Variants in IMPDH2 observed in about 807,000 individuals in gnomAD.
IMPDH2 encodes inosine-5'-monophosphate dehydrogenase 2.
Under a neutral mutation model 57.8 loss-of-function variants are expected in IMPDH2, and 33 were observed. That is an observed-to-expected ratio of 0.57 (90% confidence interval 0.43 to 0.76). The LOEUF (loss-of-function observed/expected upper bound fraction) is 0.76, where lower values mean the gene tolerates loss of function less well. Ranked by LOEUF, IMPDH2 falls within the 30% of genes least tolerant of loss-of-function variation. The pLI, the probability that IMPDH2 is intolerant of heterozygous loss-of-function variation, is 0.00. For missense variants in IMPDH2, 446 were observed against 659.1 expected (o/e 0.68, Z 3.54); for synonymous variants, 270 against 241.3 (o/e 1.12, Z -1.10).
rs762030029 is a variant in IMPDH2, at chr3:49,028,780, AT to A, written c.124del (p.Ile42SerfsTer10). The A allele has an allele frequency of 6.2e-7, 1 of 1,613,844 alleles. No homozygotes were observed. The highest frequency in any genetic ancestry group is 1.3e-5 in the African/African-American group (1 of 74,920). ...YNDFLILPGY[I>X]DFTADQVDLT... ...CACCACCTGGTCTGCAGTGAAGTCGATGTACCCAGGGAGAATGAGAAAGTCA... is the reference window on the plus strand; with the variant it reads ...CACCACCTGGTCTGCAGTGAAGTCGAGTACCCAGGGAGAATGAGAAAGTCA... On this transcript the variant is annotated frameshift_variant, in exon 2 of 14. Coordinates refer to ENST00000326739, the MANE Select transcript of IMPDH2 (RefSeq NM_000884.3). LOFTEE classifies it high-confidence loss of function.
intron 2 of IMPDH2, 89 bp from the exon 3 acceptor site, chr3:49,028,621 G>C: frequency 7.6e-7 from 1 of 1,308,118 alleles, no homozygotes; most frequent in South Asian, 1.2e-5. Context: ...ACTTTTGTAT[G>C]ACCTGCATGC....
intron 4 of IMPDH2, 56 bp from the exon 5 acceptor site, chr3:49,027,972 CTT>C (rs962834622): frequency 7.4e-7 from 1 of 1,342,622 alleles, no homozygotes; most frequent in Non-Finnish European, 1.1e-6. Flanking sequence ...TCATCAGGCT[CTT>C]GATCTGAAGC....
intron 11 of IMPDH2, 29 bp from the exon 12 acceptor site, chr3:49,024,831 G>C: frequency 6.2e-7 from 1 of 1,614,150 alleles, no homozygotes; most frequent in Non-Finnish European, 8.5e-7. Context: ...ACACGGGCAA[G>C]GTCACAGCAG....
intron 9 of IMPDH2, chr3:49,026,023 T>G: frequency 3.9e-6 from 2 of 511,578 alleles, no homozygotes; most frequent in Non-Finnish European, 3.8e-6. Context: ...TAGAAGGGCA[T>G]TTGGGGCTGT....
At position 49,029,229 on chromosome 3, in the gene IMPDH2, CAGGTGAGCCCCATAGGCCCGCACTTGT is replaced by C. The variant is rs766610871; in HGVS notation, c.95_98+23del. 1 of 1,558,872 alleles carries C rather than the reference CAGGTGAGCCCCATAGGCCCGCACTTGT, an allele frequency of 6.4e-7. No homozygotes were observed. Among genetic ancestry groups the C allele is most frequent in the South Asian group, 1.2e-5 (1 of 86,504 alleles). ...CCAGGGTGCCGCCCCTCTCTTCGCC[CAGGTGAGCCCCATAGGCCCGCACTTGT>C]AGGTGAGGCCGTCTCCGCAGTTGAA... On this transcript the variant is annotated splice_donor_variant and splice_donor_5th_base_variant and coding_sequence_variant and intron_variant, in exon 1 of 14. Coordinates refer to ENST00000326739, the MANE Select transcript of IMPDH2 (RefSeq NM_000884.3). LOFTEE classifies it high-confidence loss of function.
At chr3:49,026,255 T>C (rs2093198958) in intron 9 of IMPDH2, 69 bp downstream of exon 9, 1 of 1,168,302 alleles carries the variant, frequency 8.6e-7, no homozygotes, top group South Asian at 1.3e-5. Context: ...CCCATAAGAG[T>C]GCTTGGTTCC....
At chr3:49,028,698 G>C in intron 2 of IMPDH2, 60 bp downstream of exon 2, 6 of 1,474,632 alleles carry the variant, frequency 4.1e-6, no homozygotes, top group Non-Finnish European at 5.7e-6. Context: ...CCAGAGACCA[G>C]GTGATAGTAG....
rs755588372 is a variant in IMPDH2, at chr3:49,029,249, G to C, written c.98+4C>G. 1.3e-6 allele frequency: 2 copies of C among 1,594,808 alleles called. No homozygotes were observed. Among genetic ancestry groups the C allele is most frequent in the South Asian group, 1.1e-5 (1 of 88,664 alleles). On this transcript the variant is annotated splice_donor_region_variant and intron_variant, in intron 1 of 13. Transcript: ENST00000326739. ...TCGCCCAGGTGAGCCCCATAGGCCC[G>C]CACTTGTAGGTGAGGCCGTCTCCGC... is the stretch of plus-strand genomic sequence containing the variant.
rs757443827 is a variant in IMPDH2 at position 49,026,669 on chromosome 3, A to AC, written c.819+17dup. On this transcript the variant is annotated intron_variant, in intron 7 of 13. Coordinates refer to ENST00000326739, the MANE Select transcript of IMPDH2 (RefSeq NM_000884.3). ...GCAGCTGCCCCTATTGCCCCAACCCACCTGTGTAGCAGCTCACCAAAACCA... is the reference window on the plus strand; with the variant it reads ...GCAGCTGCCCCTATTGCCCCAACCCACCCTGTGTAGCAGCTCACCAAAACCA... 76 of 1,613,334 alleles carry AC rather than the reference A, an allele frequency of 4.7e-5. No homozygotes were observed. Among genetic ancestry groups the AC allele is most frequent in the Non-Finnish European group, 6.4e-5 (75 of 1,179,584 alleles).
Position 49,025,136 on chromosome 3 carries a change from C to T in IMPDH2, c.1140G>A (p.Gly380=), listed in dbSNP as rs759590066. The T allele has an allele frequency of 1.4e-5, 22 of 1,614,190 alleles. No homozygotes were observed. The highest frequency in any genetic ancestry group is 1.9e-5 in the Non-Finnish European group (22 of 1,180,028). Residue 380 remains glycine (G), a synonymous_variant, in exon 10 of 14, where the codon GGG becomes GGA. Coordinates refer to ENST00000326739, the MANE Select transcript of IMPDH2 (RefSeq NM_000884.3). ...GGTACTGGGCCTCACCTGTGGAGGC[C>T]CCAAGGGCCAAGGCTTTCGCAATAT... is the stretch of plus-strand genomic sequence containing the variant. The part of the protein sequence containing the change: ...VGHIAKALAL[G]ASTVMMGSLL...
At chr3:49,028,559 G>A in intron 2 of IMPDH2, 27 bp from the exon 3 acceptor site, 2 of 1,573,268 alleles carry the variant, frequency 1.3e-6, no homozygotes, top group Non-Finnish European at 1.7e-6. Context: ...CAACCAGTGT[G>A]GGAAAGCATC....
chr3:49,029,201 TC>T, intron 1 of IMPDH2, 51 bp downstream of exon 1: 3 of 1,451,036 alleles, frequency 2.1e-6, no homozygotes, highest in Non-Finnish European at 2.8e-6. Context: ...TCTGGCCTTT[TC>T]CCCAGGGTGC....
Position 49,027,024 on chromosome 3 carries a change from C to T in IMPDH2, c.555G>A (p.Leu185=), listed in dbSNP as rs1559916556. 4 of 1,613,804 alleles carry T rather than the reference C, an allele frequency of 2.5e-6. No individual in the cohort carries two copies. Among genetic ancestry groups the T allele is most frequent in the Non-Finnish European group, 3.4e-6 (4 of 1,179,682 alleles). ...LEEIMTKRED[L]VVAPAGITLK... ...GTGTGATGCCTGCAGGGGCTACCAC[C>T]AAGTCTTCCCTCTTTGTCATTATCT... Residue 185 remains leucine (L), a synonymous_variant, in exon 6 of 14, where the codon TTG becomes TTA. Transcript: ENST00000326739.
At chr3:49,025,401 G>T in intron 9 of IMPDH2, 132 bp from the exon 10 acceptor site, 1 of 942,684 alleles carries the variant, frequency 1.1e-6, no homozygotes, top group South Asian at 1.4e-5. Flanking sequence ...AGGAACAGAC[G>T]TGTCTGGGAT....
chr3:49,024,716 A>G lies in IMPDH2; in HGVS notation c.1382T>C (p.Ile461Thr), dbSNP rs753191118. 1.1e-5 allele frequency: 17 copies of G among 1,614,206 alleles called. No homozygotes were observed. Among genetic ancestry groups the G allele is most frequent in the East Asian group, 2.2e-5 (1 of 44,888 alleles). The change falls in exon 12 of 14, where the codon ATT (isoleucine) becomes ACT (threonine). Residue 461 changes from isoleucine to threonine, a missense_variant. Ile to Thr is a moderately conservative substitution (Grantham distance 89). Transcript: ENST00000326739. ...GSIHKFVPYL[I>T]AGIQHSCQDI... ...CTGGCATGAGTGTTGGATGCCAGCA[A>G]TCAGGTAAGGGACAAATTTGTGGAT...
At position 49,026,558 on chromosome 3, in the gene IMPDH2, T is replaced by C; in HGVS notation, c.871A>G (p.Lys291Glu). Residue 291 changes from lysine (K) to glutamate (E), a missense_variant, in exon 8 of 14, where the codon AAA becomes GAA. Lys to Glu is a moderately conservative substitution (Grantham distance 56). Transcript: ENST00000326739. ...IFQINMIKYIKDKYPNLQVIG... is the reference protein window; with the variant it reads ...IFQINMIKYIEDKYPNLQVIG... ...ACTTGGAGATTAGGGTATTTGTCTTTGATGTACTTGATCATATTGATCTGG... is the reference window on the plus strand; with the variant it reads ...ACTTGGAGATTAGGGTATTTGTCTTCGATGTACTTGATCATATTGATCTGG... 6.2e-7 allele frequency: 1 copy of C among 1,613,992 alleles called. No homozygotes were observed. The highest frequency in any genetic ancestry group is 8.5e-7 in the Non-Finnish European group (1 of 1,179,816).
At chr3:49,027,124 A>G in intron 5 of IMPDH2, 77 bp from the exon 6 acceptor site, 1 of 1,154,010 alleles carries the variant, frequency 8.7e-7, no homozygotes, top group Admixed American at 1.7e-5. Flanking sequence ...CTTCCCAAGT[A>G]GCTGAGCTCA....
rs773716102 is a variant in IMPDH2, at chr3:49,027,668, T to C, written c.531+42A>G. On this transcript the variant is annotated intron_variant, in intron 5 of 13. Coordinates refer to ENST00000326739, the MANE Select transcript of IMPDH2 (RefSeq NM_000884.3). ...CAACAGAAGCCCCTTGTCTTCAACC[T>C]GGGCTGCTAGAGCTTGGATCTACTC... 1.1e-5 allele frequency: 17 copies of C among 1,536,990 alleles called. No individual in the cohort carries two copies. The South Asian group carries it at 1.9e-4, about 17-fold the overall frequency.
At chr3:49,028,169 G>C (rs2093207584) in intron 4 of IMPDH2, 79 bp downstream of exon 4, 1 of 1,174,128 alleles carries the variant, frequency 8.5e-7, no homozygotes, top group Non-Finnish European at 1.3e-6. Flanking sequence ...TACTAAATTA[G>C]AATAAACCCC....
Sources: allele counts gnomAD v4.1 joint callset, GRCh38; gene constraint gnomAD v4.1.1; transcripts MANE v1.5; gene names NCBI Gene and HGNC (gene_info 2026-07-23, HGNC 2026-07-21).